BRWD3: variants seen among roughly 807,000 people sequenced by gnomAD.
BRWD3 encodes bromodomain and WD repeat domain containing 3.
BRWD3 carries 10 observed loss-of-function variants against 149.7 expected under a neutral mutation model. The observed-to-expected ratio is 0.07, with a 90% CI of 0.04 to 0.11. BRWD3 has a LOEUF of 0.11. BRWD3 is among the 10% of genes least tolerant of loss of function. The probability of loss-of-function intolerance (pLI) is 1.00; values close to 1 mark genes in which losing one functional copy is unlikely to be tolerated. For missense variants in BRWD3, 940 were observed against 1,373.2 expected (o/e 0.68, Z 4.99); for synonymous variants, 504 against 456.7 (o/e 1.10, Z -1.32).
chrX:80,682,117 A>C, intron 38 of BRWD3, 23 bp from the exon 39 acceptor site: 1 of 1,138,785 alleles, frequency 8.8e-7, no homozygotes, highest in South Asian at 1.9e-5. Flanking sequence ...ATATGTAACA[A>C]CGAGCATTTT....
chrX:80,683,282 G>C (rs1019130715), intron 37 of BRWD3, among the ~76,000 whole-genome samples: 10 of 111,466 alleles, frequency 9.0e-5, no homozygotes, highest in African/African-American at 3.3e-5. Flanking sequence ...GAAAATCCTG[G>C]AAGTAAACAG....
intron 6 of BRWD3, among the ~76,000 whole-genome samples, chrX:80,768,407 G>T (rs1047127011): frequency 8.9e-6 from 1 of 111,809 alleles, no homozygotes. Flanking sequence ...CAAGCCAGAA[G>T]AGATTGGGGG....
At chrX:80,755,884 G>A (rs12687572) in intron 6 of BRWD3, among the ~76,000 whole-genome samples, 9,340 of 111,527 alleles carry the variant, frequency 0.084, 372 homozygotes, top group South Asian at 0.19. Context: ...TATCAACTAT[G>A]TAAATTTATG....
intron 27 of BRWD3, among the ~76,000 whole-genome samples, chrX:80,695,114 TA>T (rs1204291621): frequency 7.2e-5 from 8 of 111,411 alleles, no homozygotes; most frequent in African/African-American, 2.6e-4. Flanking sequence ...TCTGATGGTT[TA>T]AAGGTGTGGC....
At chrX:80,720,532 C>T (rs1038591251) in intron 17 of BRWD3, among the ~76,000 whole-genome samples, 24 of 110,105 alleles carry the variant, frequency 2.2e-4, no homozygotes, top group African/African-American at 7.2e-4. Flanking sequence ...AGTATTACTA[C>T]AAAAGAGTCG....
chrX:80,719,918 T>A (rs1391731577), intron 17 of BRWD3, among the ~76,000 whole-genome samples: 1 of 111,555 alleles, frequency 9.0e-6, no homozygotes, highest in African/African-American at 3.3e-5. Context: ...TAACGACATT[T>A]CAGTCAAAGA....
chrX:80,710,197 T>C, intron 20 of BRWD3: 1 of 464,480 alleles, frequency 2.2e-6, no homozygotes, highest in South Asian at 2.7e-5. Context: ...AGTGTTTCGA[T>C]TCCAGATTTG....
At chrX:80,783,918 C>T (rs1361440694) in intron 6 of BRWD3, among the ~76,000 whole-genome samples, 1 of 110,263 alleles carries the variant, frequency 9.1e-6, no homozygotes, top group African/African-American at 3.3e-5. Context: ...TTACCAGAGG[C>T]TGGGAAGGAT....
At chrX:80,801,282 G>C (rs900938096) in intron 4 of BRWD3, among the ~76,000 whole-genome samples, 1 of 95,093 alleles carries the variant, frequency 1.1e-5, no homozygotes, top group Non-Finnish European at 2.1e-5. Flanking sequence ...GGCAGTGGGC[G>C]AGATCTGGGC....
intron 20 of BRWD3, among the ~76,000 whole-genome samples, chrX:80,711,699 T>TTTCC (rs967595300): frequency 1.8e-5 from 2 of 112,211 alleles, no homozygotes; most frequent in Non-Finnish European, 3.8e-5. Context: ...AACCCAGACA[T>TTTCC]TTCCTTCCAT....
At chrX:80,755,601 C>T (rs1274953027) in intron 6 of BRWD3, among the ~76,000 whole-genome samples, 1 of 111,761 alleles carries the variant, frequency 8.9e-6, no homozygotes, top group Non-Finnish European at 1.9e-5. Flanking sequence ...GCCATGAAAA[C>T]ATGCACATCT....
rs2072616324 is a variant in BRWD3, at chrX:80,691,830, A to G, written c.3474T>C (p.Leu1158=). The G allele has an allele frequency of 8.3e-7, 1 of 1,210,587 alleles. No individual in the cohort carries two copies. Among genetic ancestry groups the G allele is most frequent in the Non-Finnish European group, 1.1e-6 (1 of 895,270 alleles). Residue 1158 remains leucine, a synonymous_variant, in exon 30 of 41, where the codon CTT becomes CTC. Transcript: ENST00000373275. ...ERVIQGINHL[L]SLDFASPFAV... The stretch of plus-strand genomic sequence containing the variant: ...TTTTCACATTCATCATACCCAGGGA[A>G]AGAAGGTGGTTGATGCCCTGAATAA...
chrX:80,695,010 C>A (rs2072663860), intron 27 of BRWD3, among the ~76,000 whole-genome samples: 2 of 110,909 alleles, frequency 1.8e-5, no homozygotes, highest in South Asian at 3.9e-4. Context: ...GAAGTCTAAT[C>A]CCTTCACATC....
At chrX:80,707,571 C>T in intron 21 of BRWD3, 68 bp from the exon 22 acceptor site, 5 of 1,022,251 alleles carry the variant, frequency 4.9e-6, no homozygotes, top group Non-Finnish European at 6.8e-6. Context: ...ATTAAAAAAC[C>T]ACTACCTGTT....
At chrX:80,741,609 G>T (rs2073506123) in intron 8 of BRWD3, among the ~76,000 whole-genome samples, 1 of 111,776 alleles carries the variant, frequency 8.9e-6, no homozygotes, top group African/African-American at 3.3e-5. Flanking sequence ...ATTCTAACTG[G>T]TGTGAGATGG....
At position 80,728,791 on chromosome X, in the gene BRWD3, C is replaced by T. The variant is rs1225349552; in HGVS notation, c.1347G>A (p.Val449=). The T allele has an allele frequency of 8.3e-7, 1 of 1,207,153 alleles. No homozygotes were observed. The highest frequency in any genetic ancestry group is 3.0e-5 in the East Asian group (1 of 33,802). ...ITAVNNFLLK[V]WNSITGQLLH... ...GAAGCTGTCCTGTGATAGAATTCCA[C>T]ACTTTCAAAAGAAAATTGTTCACTG... Residue 449 remains valine, a synonymous_variant, in exon 14 of 41, where the codon GTG becomes GTA. Coordinates refer to ENST00000373275, the MANE Select transcript of BRWD3 (RefSeq NM_153252.5).
intron 12 of BRWD3, among the ~76,000 whole-genome samples, chrX:80,731,720 C>A: frequency 9.2e-6 from 1 of 108,660 alleles, no homozygotes; most frequent in East Asian, 2.9e-4. Flanking sequence ...CGGTGAAACC[C>A]CGTCTCTACT....
At chrX:80,782,004 A>G (rs1219709859) in intron 6 of BRWD3, among the ~76,000 whole-genome samples, 1 of 111,991 alleles carries the variant, frequency 8.9e-6, no homozygotes, top group Non-Finnish European at 1.9e-5. Flanking sequence ...TAGAAGAAAT[A>G]ATCCTAAAAT....
chrX:80,790,797 G>C (rs1008399064), intron 6 of BRWD3, among the ~76,000 whole-genome samples: 15 of 111,380 alleles, frequency 1.3e-4, no homozygotes, highest in African/African-American at 4.6e-4. Flanking sequence ...ATAAGTAAAT[G>C]CATGAATAAC....
Sources: gnomAD v4.1 joint callset for allele counts (sites outside exome capture counted in the v4.1 genomes callset) on GRCh38, gnomAD v4.1.1 for gene constraint, MANE v1.5 for transcripts, NCBI Gene and HGNC (gene_info 2026-07-23, HGNC 2026-07-21) for gene names.